AHNAK2: variants seen among roughly 807,000 people sequenced by gnomAD.
AHNAK2 encodes the protein protein AHNAK2.
AHNAK2 carries 18 observed loss-of-function variants against 30.7 expected under a neutral mutation model. The ratio of observed to expected loss-of-function variants is 0.59; its 90% confidence interval spans 0.41 to 0.87. The LOEUF (loss-of-function observed/expected upper bound fraction) is 0.87. Among genes scored for constraint, AHNAK2 ranks in the 40% least tolerant of loss-of-function variants. The pLI is 0.00. For missense variants in AHNAK2, 8,604 were observed against 7,373.0 expected, an observed-to-expected ratio of 1.17 and a Z score of -6.11; for synonymous variants, 3,590 against 3,073.8, an observed-to-expected ratio of 1.17 and a Z score of -5.56.
At position 104,951,676 on chromosome 14, in the gene AHNAK2, C is replaced by T; in HGVS notation, c.3775G>A (p.Val1259Met). Residue 1259 changes from valine to methionine, a missense_variant, in exon 7 of 7, where the codon GTG becomes ATG. Val to Met is a conservative substitution (Grantham distance 21). Transcript: ENST00000333244. ...VQMPSLKMPK[V>M]DLKGPQVEVR... ...TCCACCTGGGGGCCCTTGAGGTCCA[C>T]TTTGGGCATCTTCAAACTAGGCATC... The T allele has an allele frequency of 1.6e-6, 2 of 1,246,628 alleles. 1 individual carries two copies. The highest frequency in any genetic ancestry group is 2.3e-6 in the Non-Finnish European group (2 of 880,888). 77.2% of individuals were successfully genotyped at this position (1,246,628 alleles called of 1,614,324 possible).
At position 104,948,367 on chromosome 14, in the gene AHNAK2, T is replaced by G. The variant is rs1377076924; in HGVS notation, c.7084A>C (p.Lys2362Gln). 6.2e-6 allele frequency: 10 copies of G among 1,612,596 alleles called. No homozygotes were observed. In the African/African-American group the frequency reaches 9.4e-5, roughly 15 times the overall value. Reference protein sequence around the residue: ...VSLPSMQGDLKTTDLSVQPPS... With the variant: ...VSLPSMQGDLQTTDLSVQPPS... Reference sequence around the variant, plus strand: ...GGCTGAACGCTGAGGTCAGTGGTCTTGAGGTCCCCCTGCATGGAGGGGAGG... The same window carrying G: ...GGCTGAACGCTGAGGTCAGTGGTCTGGAGGTCCCCCTGCATGGAGGGGAGG... The change falls in exon 7 of 7, where the codon AAG becomes CAG. Residue 2362 changes from lysine to glutamine, a missense_variant. Transcript: ENST00000333244.
At chr14:104,977,671 G>A (rs180913733) in intron 1 of AHNAK2, among the ~76,000 whole-genome samples, 3 of 152,272 alleles carry the variant, frequency 2.0e-5, no homozygotes, top group African/African-American at 7.2e-5. Context: ...CCAGACTCCT[G>A]GACCAGCCTG....
rs752884471 is a variant in AHNAK2, at chr14:104,946,954, C to T, written c.8497G>A (p.Glu2833Lys). Residue 2833 changes from glutamate to lysine, a missense_variant, in exon 7 of 7, where the codon GAG (glutamate) becomes AAG (lysine). Glu to Lys is a moderately conservative substitution (Grantham distance 56). Coordinates refer to ENST00000333244, the MANE Select transcript of AHNAK2 (RefSeq NM_138420.4). ...AGCTCAGACACATCCACCGAGGCCT[C>T]GATGGACTTGCCTGGGGCCGACACC... ...FGVSAPGKSI[E>K]ASVDVSELKV... 6.2e-6 allele frequency: 10 copies of T among 1,612,580 alleles called. No individual in the cohort carries two copies. The highest frequency in any genetic ancestry group is 2.7e-5 in the African/African-American group (2 of 74,286).
In AHNAK2 at chr14:104,942,494, G is replaced by A; in HGVS notation, c.12957C>T (p.Ala4319=). 6.2e-7 allele frequency: 1 copy of A among 1,612,546 alleles called. No homozygotes were observed. Among genetic ancestry groups the A allele is most frequent in the African/African-American group, 1.3e-5 (1 of 74,648 alleles). ...GVSAPGKSIE[A]SLDVSALKVE... ...CCTTCAGCGCAGACACATCCAACGA[G>A]GCCTCGATGGACTTGCCTGGGGCAG... is the stretch of plus-strand genomic sequence containing the variant. The change falls in exon 7 of 7, where the codon GCC becomes GCT. Residue 4319 remains alanine, a synonymous_variant. Coordinates refer to ENST00000333244, the MANE Select transcript of AHNAK2 (RefSeq NM_138420.4).
intron 1 of AHNAK2, among the ~76,000 whole-genome samples, chr14:104,975,762 G>A (rs1006256559): frequency 2.0e-5 from 3 of 152,176 alleles, no homozygotes; most frequent in African/African-American, 2.4e-5. Context: ...TGACAGACCC[G>A]CCCGCGCTGT....
At position 104,947,924 on chromosome 14, in the gene AHNAK2, A is replaced by G. The variant is rs531602908; in HGVS notation, c.7527T>C (p.Ser2509=). The G allele has an allele frequency of 1.2e-5, 20 of 1,612,342 alleles. No individual in the cohort carries two copies. Among genetic ancestry groups the G allele is most frequent in the Middle Eastern group, 1.7e-4 (1 of 6,048 alleles). ...TCCCGTCGGCCTCCACCTTCGGCGC[A>G]GACACATCCACCGAGGCCTCGATGG... The part of the protein sequence containing the change: ...GKSIEASVDV[S]APKVEADGSL... Residue 2509 remains serine, a synonymous_variant, in exon 7 of 7, where the codon TCT becomes TCC. Coordinates refer to ENST00000333244, the MANE Select transcript of AHNAK2 (RefSeq NM_138420.4).
Position 104,948,905 on chromosome 14 carries a change from C to G in AHNAK2, c.6546G>C (p.Lys2182Asn). 2 of 1,573,514 alleles carry G rather than the reference C, an allele frequency of 1.3e-6. No individual in the cohort carries two copies. The highest frequency in any genetic ancestry group is 1.7e-6 in the Non-Finnish European group (2 of 1,164,428). ...AGGGGAGACTCATGTCGGCCTCCAC[C>G]TTGGGTGGAGACACATCCACCGAGG... Reference protein sequence around the residue: ...IEASVDVSPPKVEADMSLPSM... With the variant: ...IEASVDVSPPNVEADMSLPSM... The change falls in exon 7 of 7, where the codon AAG (lysine) becomes AAC (asparagine). Residue 2182 changes from lysine to asparagine, a missense_variant. Coordinates refer to ENST00000333244, the MANE Select transcript of AHNAK2 (RefSeq NM_138420.4).
In AHNAK2 at chr14:104,945,473, G is replaced by A. The variant is rs774195304; in HGVS notation, c.9978C>T (p.Ser3326=). ...CAGACACATCCACCGAGGCCTGGAT[G>A]GACTTGCCTGGGGCAGACGCCCTGT... is the stretch of plus-strand genomic sequence containing the variant. ...PSYRASAPGK[S]IQASVDVSAP... is the part of the protein sequence containing the mutation. Residue 3326 remains serine (S), a synonymous_variant, in exon 7 of 7, where the codon TCC becomes TCT. Coordinates refer to ENST00000333244, the MANE Select transcript of AHNAK2 (RefSeq NM_138420.4). 6.2e-7 allele frequency: 1 copy of A among 1,613,414 alleles called. No homozygotes were observed. Among genetic ancestry groups the A allele is most frequent in the Non-Finnish European group, 8.5e-7 (1 of 1,179,730 alleles).
rs183705462 is a variant in AHNAK2, at chr14:104,955,240, G to A, written c.467-99C>T. On this transcript the variant is annotated intron_variant, in intron 5 of 6. Coordinates refer to ENST00000333244, the MANE Select transcript of AHNAK2 (RefSeq NM_138420.4). ...GAGGAGGGTCCCGGGGACATGAATA[G>A]GGGGAATCCCACTGAGTCTGCCCCA... 32 of 1,409,472 alleles carry A rather than the reference G, an allele frequency of 2.3e-5. No homozygotes were observed. In the African/African-American group the frequency reaches 3.4e-4, roughly 15 times the overall value. The allele number at this position is 1,409,472 out of a possible 1,614,324, so 87.3% of individuals were successfully genotyped here. A position where few individuals can be genotyped will look rare whatever the true frequency, so the allele number is the denominator to read the frequency against.
intron 1 of AHNAK2, among the ~76,000 whole-genome samples, chr14:104,969,610 G>A (rs1329616272): frequency 2.0e-5 from 3 of 152,252 alleles, no homozygotes; most frequent in African/African-American, 7.2e-5. Context: ...GAAAAAGGAA[G>A]GAGCTTGTCA....
Position 104,950,665 on chromosome 14 carries a change from T to C in AHNAK2, c.4786A>G (p.Ile1596Val), listed in dbSNP as rs759856167. 6.9e-6 allele frequency: 11 copies of C among 1,585,180 alleles called. 2 individuals carry two copies. Among genetic ancestry groups the C allele is most frequent in the African/African-American group, 2.8e-5 (2 of 71,916 alleles). The change falls in exon 7 of 7, where the codon ATA becomes GTA. Residue 1596 changes from isoleucine (I) to valine (V), a missense_variant. Physicochemically the swap from Ile to Val is conservative, Grantham distance 29. Coordinates refer to ENST00000333244, the MANE Select transcript of AHNAK2 (RefSeq NM_138420.4). Reference sequence around the variant, plus strand: ...TCCAGCTTGGGGCCCTTAACATCTATCTGGGGCCCCTTGAGGTCCACTTTG... The same window carrying C: ...TCCAGCTTGGGGCCCTTAACATCTACCTGGGGCCCCTTGAGGTCCACTTTG... Reference protein sequence around the residue: ...MPKVDLKGPQIDVKGPKLDLK... With the variant: ...MPKVDLKGPQVDVKGPKLDLK...
chr14:104,957,096 T>C (rs1898998255), intron 3 of AHNAK2, among the ~76,000 whole-genome samples: 1 of 152,230 alleles, frequency 6.6e-6, no homozygotes, highest in Non-Finnish European at 1.5e-5. Context: ...AAAGACAGCA[T>C]GAGTGTGTTA....
In AHNAK2 at chr14:104,957,451, C is replaced by A. The variant is rs1371486285; in HGVS notation, c.172G>T (p.Val58Phe). 6.3e-7 allele frequency: 1 copy of A among 1,599,412 alleles called. No individual in the cohort carries two copies. Residue 58 changes from valine (V) to phenylalanine (F), a missense_variant, in exon 3 of 7, where the codon GTC becomes TTC. Val to Phe is a conservative substitution (Grantham distance 50). Transcript: ENST00000333244. ...IRPRPQGSSP[V>F]YEYTTEAADF... Reference sequence around the variant, plus strand: ...GCAGCCTCAGTCGTGTATTCGTAGACAGGTGAAGACCCCTGCGGCCGTGGT... The same window carrying A: ...GCAGCCTCAGTCGTGTATTCGTAGAAAGGTGAAGACCCCTGCGGCCGTGGT...
chr14:104,948,239 C>A lies in AHNAK2; in HGVS notation c.7212G>T (p.Leu2404=). ...GAGLKGHLPK[L]QMPSFKMPKV... is the part of the protein sequence containing the mutation. ...TGGGCATCTTGAAACTGGGCATCTG[C>A]AGCTTGGGCAGGTGCCCTTTGAGGC... The change falls in exon 7 of 7, where the codon CTG becomes CTT. Residue 2404 remains leucine, a synonymous_variant. Coordinates refer to ENST00000333244, the MANE Select transcript of AHNAK2 (RefSeq NM_138420.4). 1 of 1,612,594 alleles carries A rather than the reference C, an allele frequency of 6.2e-7. No homozygotes were observed. Among genetic ancestry groups the A allele is most frequent in the Non-Finnish European group, 8.5e-7 (1 of 1,179,568 alleles).
At chr14:104,960,960 C>CA (rs1189955142) in intron 1 of AHNAK2, among the ~76,000 whole-genome samples, 3 of 151,078 alleles carry the variant, frequency 2.0e-5, no homozygotes, top group Admixed American at 6.6e-5. Context: ...GGTGAAACCC[C>CA]TCTCTACTAA....
rs200332644 is a variant in AHNAK2 at position 104,952,413 on chromosome 14, G to A, written c.3038C>T (p.Pro1013Leu). ...CACCAAGGCCTTGATGGACTTCCCT[G>A]GGGCCGATACCCCGAACGACGGCAT... ...FKMPSFGVSA[P>L]GKSIKALVDV... The change falls in exon 7 of 7, where the codon CCA (proline) becomes CTA (leucine). Residue 1013 changes from proline (P) to leucine (L), a missense_variant. By Grantham distance (98) the Pro-to-Leu change is moderately conservative. Transcript: ENST00000333244. The A allele has an allele frequency of 3.7e-6, 6 of 1,612,742 alleles. No homozygotes were observed. Among genetic ancestry groups the A allele is most frequent in the Non-Finnish European group, 5.1e-6 (6 of 1,179,588 alleles).
In AHNAK2 at chr14:104,945,008, G is replaced by C. The variant is rs147845524; in HGVS notation, c.10443C>G (p.Pro3481=). 973 of 1,600,048 alleles carry C rather than the reference G, an allele frequency of 6.1e-4. 4 individuals carry two copies. The highest frequency in any genetic ancestry group is 4.5e-3 in the East Asian group (198 of 44,430). ...SKFKMPKFKM[P]SFGVSAPGRS... ...TGCCTGGGGCCGACACCCCGAAGGA[G>C]GGCATCTTGAACTTGGGCATTTTGA... The change falls in exon 7 of 7, where the codon CCC becomes CCG. Residue 3481 remains proline (P), a synonymous_variant. Coordinates refer to ENST00000333244, the MANE Select transcript of AHNAK2 (RefSeq NM_138420.4).
Position 104,942,990 on chromosome 14 carries a change from G to T in AHNAK2, c.12461C>A (p.Ala4154Glu), listed in dbSNP as rs201721608. ...GVSAPGKSME[A>E]SVDVSELKAK... ...CTTCAGCTCAGACACATCCACGGAC[G>T]CCTCCATGGACTTGCCTGGGGCCGA... The change falls in exon 7 of 7, where the codon GCG (alanine) becomes GAG (glutamate). Residue 4154 changes from alanine to glutamate, a missense_variant. Ala to Glu is a moderately radical substitution (Grantham distance 107). Transcript: ENST00000333244. The T allele has an allele frequency of 2.5e-6, 4 of 1,613,044 alleles. No individual in the cohort carries two copies. The highest frequency in any genetic ancestry group is 1.7e-4 in the Middle Eastern group (1 of 6,054).
rs370869960 is a variant in AHNAK2, at chr14:104,948,871, C to G, written c.6580G>C (p.Gly2194Arg). ...CTGAGGTCAGTGGTCTTGAGGTCCC[C>G]CTGCATGGAGGGGAGACTCATGTCG... ...EADMSLPSMQ[G>R]DLKTTDLSIQ... Residue 2194 changes from glycine (G) to arginine (R), a missense_variant, in exon 7 of 7, where the codon GGG (glycine) becomes CGG (arginine). Gly to Arg is a moderately radical substitution (Grantham distance 125). Coordinates refer to ENST00000333244, the MANE Select transcript of AHNAK2 (RefSeq NM_138420.4). 54 of 1,610,216 alleles carry G rather than the reference C, an allele frequency of 3.4e-5. 1 individual carries two copies. The South Asian group carries it at 4.6e-4, about 14-fold the overall frequency.
Sources: allele counts gnomAD v4.1 joint callset (sites outside exome capture counted in the v4.1 genomes callset), GRCh38; gene constraint gnomAD v4.1.1; transcripts MANE v1.5; gene names NCBI Gene and HGNC (gene_info 2026-07-23, HGNC 2026-07-21).